USP40: variants seen among roughly 807,000 people sequenced by gnomAD.
USP40 encodes the protein ubiquitin specific peptidase 40.
A neutral mutation model predicts 166.2 loss-of-function variants in USP40; 143 were observed. That is an observed-to-expected ratio of 0.86 (90% CI 0.75 to 0.99). The LOEUF is 0.99. Ranked by LOEUF, USP40 falls within the 50% of genes least tolerant of loss-of-function variation. The pLI is 0.00. For synonymous variants in USP40, 498 were observed against 524.0 expected (o/e 0.95, Z 0.68); for missense variants, 1,444 against 1,479.7 (o/e 0.98, Z 0.40).
intron 7 of USP40, among the ~76,000 whole-genome samples, chr2:233,549,588 C>T (rs561817154): frequency 6.6e-6 from 1 of 152,146 alleles, no homozygotes; most frequent in South Asian, 2.1e-4. Context: ...AACCCATCTT[C>T]GTACAATACC....
intron 4 of USP40, among the ~76,000 whole-genome samples, chr2:233,558,185 C>A (rs1429227433): frequency 6.6e-6 from 1 of 151,750 alleles, no homozygotes; most frequent in African/African-American, 2.4e-5. Flanking sequence ...CCTAAACAAT[C>A]CTACACTTCG....
chr2:233,560,775 C>A, intron 3 of USP40: 2 of 423,224 alleles, frequency 4.7e-6, no homozygotes, highest in South Asian at 6.9e-5. Context: ...TCCAGAGTAC[C>A]AAATTGAAAG....
At chr2:233,517,379 G>GTGTTT in intron 18 of USP40, among the ~76,000 whole-genome samples, 1 of 137,142 alleles carries the variant, frequency 7.3e-6, no homozygotes, top group Admixed American at 7.3e-5. Flanking sequence ...CACATGCATG[G>GTGTTT]TTTTTTGTTT....
At position 233,486,525 on chromosome 2, in the gene USP40, C is replaced by T. The variant is rs182538805; in HGVS notation, c.3198-548G>A. ...AGCAGGAGGAGCAGAAAGAACAACA[C>T]TCAGCAAGGCAGGAGGAACAGGGAC... On this transcript the variant is annotated intron_variant, in intron 28 of 31. Coordinates refer to ENST00000678225, the MANE Select transcript of USP40 (RefSeq NM_001365479.2). The surrounding 1 kb of genome is among the most constrained non-coding windows in gnomAD (Gnocchi z 4.0). Among the ~76,000 whole-genome samples, 133 of 152,192 alleles carry T rather than the reference C, an allele frequency of 8.7e-4. 1 individual carries two copies. Among genetic ancestry groups the T allele is most frequent in the African/African-American group, 2.3e-3 (95 of 41,526 alleles).
At chr2:233,485,055 T>C (rs1005124987) in intron 30 of USP40, among the ~76,000 whole-genome samples, 14 of 152,176 alleles carry the variant, frequency 9.2e-5, no homozygotes, top group African/African-American at 2.9e-4. Context: ...CTATTCCTAG[T>C]TTGCTCTAAG....
At chr2:233,550,876 C>T (rs973341174) in intron 7 of USP40, among the ~76,000 whole-genome samples, 7 of 152,172 alleles carry the variant, frequency 4.6e-5, no homozygotes, top group Non-Finnish European at 1.0e-4. Context: ...TTCATCATTA[C>T]ATGTAAAATA....
At chr2:233,510,521 G>C (rs1231040235) in intron 20 of USP40, among the ~76,000 whole-genome samples, 1 of 144,888 alleles carries the variant, frequency 6.9e-6, no homozygotes, top group Non-Finnish European at 1.5e-5. Context: ...TCCTACCTCA[G>C]CCTCCCATGT....
chr2:233,481,380 C>A, intron 30 of USP40, 83 bp from the exon 31 acceptor site: 1 of 1,160,276 alleles, frequency 8.6e-7, no homozygotes, highest in East Asian at 2.6e-5. Context: ...AAAAAACTAC[C>A]TATATTGACA....
At chr2:233,497,807 A>G (rs1315188964) in intron 23 of USP40, among the ~76,000 whole-genome samples, 1 of 152,228 alleles carries the variant, frequency 6.6e-6, no homozygotes, top group Non-Finnish European at 1.5e-5. Context: ...GCCTCTTGCT[A>G]TTGACTTACT....
At chr2:233,487,018 A>G (rs550316234) in intron 28 of USP40, among the ~76,000 whole-genome samples, 1 of 152,344 alleles carries the variant, frequency 6.6e-6, no homozygotes, top group Non-Finnish European at 1.5e-5. Flanking sequence ...AAGCCCATGG[A>G]AGGGGCCTGA....
intron 18 of USP40, among the ~76,000 whole-genome samples, chr2:233,518,428 G>A (rs908474334): frequency 1.8e-4 from 28 of 151,620 alleles, no homozygotes; most frequent in African/African-American, 5.1e-4. Context: ...TTAGCTGGGC[G>A]TGGTGGCACA....
chr2:233,559,276 C>A (rs1428098335), intron 4 of USP40, among the ~76,000 whole-genome samples: 2 of 152,176 alleles, frequency 1.3e-5, no homozygotes, highest in African/African-American at 2.4e-5. Flanking sequence ...TGGAGAAGGT[C>A]AGGAGAAAGT....
intron 8 of USP40, among the ~76,000 whole-genome samples, chr2:233,545,302 T>G (rs1559274223): frequency 2.0e-5 from 3 of 152,192 alleles, no homozygotes; most frequent in Non-Finnish European, 4.4e-5. Context: ...AGATGATGCT[T>G]GAGCCTATGA....
At chr2:233,479,861 C>A (rs2064452447) in intron 31 of USP40, among the ~76,000 whole-genome samples, 1 of 152,144 alleles carries the variant, frequency 6.6e-6, no homozygotes, top group African/African-American at 2.4e-5. Context: ...GTCCGGAAAG[C>A]AGCCCAGACC....
chr2:233,512,458 T>C (rs1458839496), intron 19 of USP40, 111 bp downstream of exon 19: 2 of 568,454 alleles, frequency 3.5e-6, no homozygotes, highest in Non-Finnish European at 5.7e-6. Context: ...ATATGTCCTA[T>C]AAATCAGTTT....
intron 12 of USP40, among the ~76,000 whole-genome samples, chr2:233,529,087 C>A (rs56274731): frequency 0.031 from 4,683 of 152,306 alleles, 227 homozygotes; most frequent in African/African-American, 0.11. Context: ...GGGTGATTTT[C>A]ATGGCAGGCT....
At chr2:233,516,289 A>G (rs1412611044) in intron 18 of USP40, among the ~76,000 whole-genome samples, 1 of 152,112 alleles carries the variant, frequency 6.6e-6, no homozygotes, top group Non-Finnish European at 1.5e-5. Context: ...AATTATTTGT[A>G]TTTCCATGAA....
intron 4 of USP40, among the ~76,000 whole-genome samples, chr2:233,559,506 GTT>G (rs1450977757): frequency 6.6e-6 from 1 of 152,170 alleles, no homozygotes; most frequent in Non-Finnish European, 1.5e-5. Flanking sequence ...TGTAATCGGT[GTT>G]GTATCTCAAC....
In USP40 at chr2:233,475,741, C is replaced by G. The variant is rs1377232145; in HGVS notation, c.*1651G>C. On this transcript the variant is annotated 3_prime_UTR_variant, in exon 32 of 32. Transcript: ENST00000678225. The stretch of plus-strand genomic sequence containing the variant: ...ACATTCCGCGAGGCTTCTGGCCTCT[C>G]GAAGGCAAAGCTTTTCAGCGATTTC... 1.3e-5 allele frequency: 2 copies of G among 152,332 alleles called. No homozygotes were observed. Among genetic ancestry groups the G allele is most frequent in the Non-Finnish European group, 2.9e-5 (2 of 68,054 alleles). The allele number at this position is 152,332 out of a possible 1,614,324, so 9.4% of individuals were successfully genotyped here.
Sources: allele counts gnomAD v4.1 joint callset (sites outside exome capture counted in the v4.1 genomes callset), GRCh38; gene constraint gnomAD v4.1.1; non-coding constraint Gnocchi (gnomAD v3.1); transcripts MANE v1.5; gene names NCBI Gene and HGNC (gene_info 2026-07-23, HGNC 2026-07-21).